Variants in ARHGAP24 observed in about 807,000 individuals in gnomAD.
ARHGAP24 encodes rho GTPase-activating protein 24.
ARHGAP24 carries 50 observed loss-of-function variants against 76.4 expected under a neutral mutation model. The ratio of observed to expected loss-of-function variants is 0.65; its 90% CI spans 0.52 to 0.83. The LOEUF (loss-of-function observed/expected upper bound fraction) is 0.83, where lower values mean the gene tolerates loss of function less well. ARHGAP24 is among the 40% of genes least tolerant of loss of function. ARHGAP24 has a pLI of 0.00. For missense variants in ARHGAP24, 930 were observed against 914.2 expected, an observed-to-expected ratio of 1.02 and a Z score of -0.22; for synonymous variants, 345 against 323.3, an observed-to-expected ratio of 1.07 and a Z score of -0.72.
chr4:85,903,732 C>A (rs1395440070), intron 3 of ARHGAP24, among the ~76,000 whole-genome samples: 2 of 152,016 alleles, frequency 1.3e-5, no homozygotes, highest in African/African-American at 4.8e-5. Context: ...CCCAGACACC[C>A]CAATTGTTTA....
At chr4:85,537,569 CA>C (rs200457210) in intron 1 of ARHGAP24, among the ~76,000 whole-genome samples, 3 of 149,964 alleles carry the variant, frequency 2.0e-5, no homozygotes, top group Admixed American at 6.6e-5. Flanking sequence ...TGTTCTCATA[CA>C]AAAAAAAAGA....
intron 3 of ARHGAP24, among the ~76,000 whole-genome samples, chr4:85,909,723 G>A (rs1734962309): frequency 6.6e-6 from 1 of 152,190 alleles, no homozygotes; most frequent in South Asian, 2.1e-4. Flanking sequence ...GAAATGCACA[G>A]CATCAATCTA....
intron 2 of ARHGAP24, among the ~76,000 whole-genome samples, chr4:85,586,769 G>A (rs181793623): frequency 6.8e-4 from 103 of 152,094 alleles, no homozygotes; most frequent in Middle Eastern, 6.8e-3. Context: ...ATGGTGGCAC[G>A]TTCCTGTAGT....
At chr4:85,617,990 T>C (rs898223730) in intron 2 of ARHGAP24, among the ~76,000 whole-genome samples, 2 of 152,214 alleles carry the variant, frequency 1.3e-5, no homozygotes, top group African/African-American at 4.8e-5. Flanking sequence ...TTTGTGTGTG[T>C]ATATGTAGTA....
chr4:85,509,932 A>G (rs17382816), intron 1 of ARHGAP24, among the ~76,000 whole-genome samples: 6,886 of 152,296 alleles, frequency 0.045, 191 homozygotes, highest in Middle Eastern at 0.092. Flanking sequence ...AATAAATACA[A>G]TATTTGAACA....
At position 85,872,530 on chromosome 4, in the gene ARHGAP24, A is replaced by G. The variant is rs1051349711; in HGVS notation, c.269-51118A>G. ...AGGCTGGTCTCAAACTCCTGACCTC[A>G]GGTGATCCGTCCACCTCGGCCTCCC... On this transcript the variant is annotated intron_variant, in intron 3 of 9. Transcript: ENST00000395184. 4.0e-5 allele frequency among the ~76,000 whole-genome samples: 6 copies of G among 149,688 alleles called. No homozygotes were observed. The South Asian group carries it at 6.4e-4, about 16-fold the overall frequency.
intron 3 of ARHGAP24, among the ~76,000 whole-genome samples, chr4:85,808,282 T>G (rs1314604003): frequency 6.6e-6 from 1 of 152,210 alleles, no homozygotes; most frequent in African/African-American, 2.4e-5. Context: ...TAACGTACTA[T>G]CTAGAGAGAT....
intron 1 of ARHGAP24, among the ~76,000 whole-genome samples, chr4:85,512,768 G>T (rs545752193): frequency 5.9e-5 from 9 of 152,268 alleles, no homozygotes; most frequent in Non-Finnish European, 7.4e-5. Context: ...CAGGATATTT[G>T]ATATTATCTG....
chr4:85,718,612 CTTTAT>C (rs1724818229), intron 2 of ARHGAP24, among the ~76,000 whole-genome samples: 1 of 152,048 alleles, frequency 6.6e-6, no homozygotes, highest in Non-Finnish European at 1.5e-5. Flanking sequence ...AGTTAAAGGA[CTTTAT>C]TTTATTTACT....
chr4:85,679,612 A>G (rs1723127076), intron 2 of ARHGAP24, among the ~76,000 whole-genome samples: 1 of 152,094 alleles, frequency 6.6e-6, no homozygotes, highest in East Asian at 1.9e-4. Flanking sequence ...TTCTACTCAC[A>G]GCTAATTCCA....
At chr4:85,671,306 T>C (rs1212808593) in intron 2 of ARHGAP24, among the ~76,000 whole-genome samples, 1 of 152,204 alleles carries the variant, frequency 6.6e-6, no homozygotes, top group South Asian at 2.1e-4. Context: ...TCTCAGCAAG[T>C]ATTACATGGT....
intron 2 of ARHGAP24, among the ~76,000 whole-genome samples, chr4:85,618,794 T>C (rs1206164733): frequency 1.3e-5 from 2 of 152,156 alleles, no homozygotes; most frequent in Non-Finnish European, 2.9e-5. Flanking sequence ...GAAATGTCTA[T>C]TCAAGTTTTT....
chr4:85,636,435 A>G (rs548744974), intron 2 of ARHGAP24, among the ~76,000 whole-genome samples: 1 of 150,030 alleles, frequency 6.7e-6, no homozygotes, highest in Admixed American at 6.6e-5. Context: ...CCTAACCTCA[A>G]GTCATCATGT....
chr4:85,949,559 A>G (rs1737479468), intron 5 of ARHGAP24, among the ~76,000 whole-genome samples: 1 of 152,162 alleles, frequency 6.6e-6, no homozygotes, highest in African/African-American at 2.4e-5. Flanking sequence ...TGTATCCTTC[A>G]GGGCTCCTCC....
chr4:85,923,567 T>C, intron 3 of ARHGAP24, 81 bp from the exon 4 acceptor site: 1 of 1,591,868 alleles, frequency 6.3e-7, no homozygotes, highest in Non-Finnish European at 8.6e-7. Flanking sequence ...GCACAGTCTC[T>C]GTTTCAGGGG....
chr4:85,510,150 C>A (rs1178470101), intron 1 of ARHGAP24, among the ~76,000 whole-genome samples: 1 of 152,092 alleles, frequency 6.6e-6, no homozygotes, highest in Non-Finnish European at 1.5e-5. Context: ...ATATACACTG[C>A]TCTTTTGTTT....
chr4:85,669,969 C>T (rs992586062), intron 2 of ARHGAP24, among the ~76,000 whole-genome samples: 2 of 152,050 alleles, frequency 1.3e-5, no homozygotes, highest in African/African-American at 4.8e-5. Context: ...CCCCAGAGCA[C>T]TGATCCTCAG....
intron 3 of ARHGAP24, among the ~76,000 whole-genome samples, chr4:85,894,408 G>A (rs958568205): frequency 6.6e-6 from 1 of 152,070 alleles, no homozygotes; most frequent in Non-Finnish European, 1.5e-5. Flanking sequence ...GTAGAAGTAA[G>A]GATGGATCCA....
intron 3 of ARHGAP24, among the ~76,000 whole-genome samples, chr4:85,775,991 T>G (rs1031842361): frequency 3.3e-4 from 50 of 152,182 alleles, no homozygotes; most frequent in Non-Finnish European, 1.9e-4. Flanking sequence ...TGTACGTATG[T>G]GCTGGAATTG....
Sources: gnomAD v4.1 joint callset for allele counts (sites outside exome capture counted in the v4.1 genomes callset) on GRCh38, gnomAD v4.1.1 for gene constraint, MANE v1.5 for transcripts, NCBI Gene and HGNC (gene_info 2026-07-23, HGNC 2026-07-21) for gene names.